Variants in CAPN5 observed in about 807,000 individuals in gnomAD.
The protein encoded by CAPN5 is calpain-5.
CAPN5 carries 54 observed loss-of-function variants against 73.0 expected under a neutral mutation model. That is an observed-to-expected ratio of 0.74 (90% CI 0.59 to 0.93). CAPN5 has a LOEUF of 0.93. Ranked by LOEUF, CAPN5 falls within the 40% of genes least tolerant of loss-of-function variation. The pLI is 0.00. For synonymous variants in CAPN5, 335 were observed against 356.9 expected (o/e 0.94, Z 0.69); for missense variants, 785 against 882.9 (o/e 0.89, Z 1.41).
In CAPN5 at chr11:77,085,018, G is replaced by A. The variant is rs534369805; in HGVS notation, c.132G>A (p.Thr44=). The part of the protein sequence containing the change: ...ATDDSLYYKG[T]PGPAVRWKRP... ...ACGACTCACTCTACTATAAGGGCAC[G>A]CCGGGGCCCGCCGTCAGGTGGAAGC... Residue 44 remains threonine (T), a synonymous_variant, in exon 2 of 13, where the codon ACG becomes ACA. Coordinates refer to ENST00000648180, the MANE Select transcript of CAPN5 (RefSeq NM_004055.5). The A allele has an allele frequency of 3.9e-5, 63 of 1,613,488 alleles. No individual in the cohort carries two copies. The highest frequency in any genetic ancestry group is 2.9e-4 in the East Asian group (13 of 44,878).
At chr11:77,102,827 C>T (rs1555039086) in intron 3 of CAPN5, 1 of 1,557,124 alleles carries the variant, frequency 6.4e-7, no homozygotes, top group Admixed American at 1.9e-5. Flanking sequence ...TTGGTGGCAG[C>T]AGCACTTGGG....
At position 77,115,360 on chromosome 11, in the gene CAPN5, G is replaced by A. The variant is rs377069207; in HGVS notation, c.700-35G>A. 4 of 1,558,562 alleles carry A rather than the reference G, an allele frequency of 2.6e-6. No homozygotes were observed. The African/African-American group carries it at 4.0e-5, about 16-fold the overall frequency. ...AGTCCCTGGTCTGGGTTCCAGTGTG[G>A]CCCTGCCTCTCTGAGCAACTGTGTC... On this transcript the variant is annotated intron_variant, in intron 5 of 12. Transcript: ENST00000648180.
chr11:77,123,935 G>A lies in CAPN5; in HGVS notation c.*65G>A, dbSNP rs1270798180. On this transcript the variant is annotated 3_prime_UTR_variant, in exon 13 of 13. Transcript: ENST00000648180. Reference sequence around the variant, plus strand: ...ATCTGCATGTCCCCACTGGGCCTGAGTCTAGCCTGGGAGCCAGGATACTGG... The same window carrying A: ...ATCTGCATGTCCCCACTGGGCCTGAATCTAGCCTGGGAGCCAGGATACTGG... 33 of 1,499,736 alleles carry A rather than the reference G, an allele frequency of 2.2e-5. No homozygotes were observed. Among genetic ancestry groups the A allele is most frequent in the Middle Eastern group, 4.6e-4 (2 of 4,344 alleles). The allele number at this position is 1,499,736 out of a possible 1,614,324, so 92.9% of individuals were successfully genotyped here.
rs148276292 is a variant in CAPN5 at position 77,092,409 on chromosome 11, A to C, written c.166-1273A>C. 7.5e-3 allele frequency among the ~76,000 whole-genome samples: 1,140 copies of C among 152,362 alleles called. 3 individuals carry two copies. The highest frequency in any genetic ancestry group is 0.013 in the Non-Finnish European group (876 of 68,038). On this transcript the variant is annotated intron_variant, in intron 2 of 12. Transcript: ENST00000648180. ...CACAGCACTGCCTCAGGGGGCTTTT[A>C]AGGAAAATACCCCCACAGCAAGAAG...
At chr11:77,110,702 G>A (rs1028656843) in intron 3 of CAPN5, among the ~76,000 whole-genome samples, 1 of 152,198 alleles carries the variant, frequency 6.6e-6, no homozygotes, top group Non-Finnish European at 1.5e-5. Flanking sequence ...AGTACCTCTC[G>A]CTGCAGTTAG....
intron 10 of CAPN5, among the ~76,000 whole-genome samples, chr11:77,121,443 GTCCCCTGAAGGACAGGTGAGCTCT>G (rs1950519673): frequency 6.6e-6 from 1 of 152,258 alleles, no homozygotes; most frequent in Admixed American, 6.5e-5. Flanking sequence ...CAGGCTCGGT[GTCCCCTGAAGGACAGGTGAGCTCT>G]GCCCACGTGC....
chr11:77,084,788 T>C, intron 1 of CAPN5, 64 bp from the exon 2 acceptor site: 1 of 1,449,798 alleles, frequency 6.9e-7, no homozygotes, highest in East Asian at 2.3e-5. Context: ...TGATGTCCGC[T>C]TCACAGGGCA....
chr11:77,090,748 G>A (rs1950140064), intron 2 of CAPN5, among the ~76,000 whole-genome samples: 1 of 152,198 alleles, frequency 6.6e-6, no homozygotes, highest in Non-Finnish European at 1.5e-5. Flanking sequence ...GTATATGGAA[G>A]CCCCTCTCCC....
chr11:77,115,451 C>T lies in CAPN5; in HGVS notation c.756C>T (p.His252=), dbSNP rs369762721. 22 of 1,612,450 alleles carry T rather than the reference C, an allele frequency of 1.4e-5. No individual in the cohort carries two copies. The Admixed American group carries it at 1.5e-4, about 11-fold the overall frequency. Residue 252 remains histidine, a synonymous_variant, in exon 6 of 13, where the codon CAC becomes CAT. Transcript: ENST00000648180. ...ARLACGLVKG[H]AYAVTDVRKV... ...TGGCGTGCGGCCTGGTAAAGGGCCA[C>T]GCATACGCCGTCACTGATGTGCGCA...
chr11:77,114,127 GTGACTGTAACAGGTTGTT>G, intron 4 of CAPN5, 97 bp from the exon 5 acceptor site: 2 of 913,038 alleles, frequency 2.2e-6, no homozygotes, highest in Non-Finnish European at 3.5e-6. Flanking sequence ...GGCCTGCTGC[GTGACTGTAACAGGTTGTT>G]TGACCCCTCT....
At chr11:77,074,764 TACTC>T (rs1949950688) in intron 1 of CAPN5, among the ~76,000 whole-genome samples, 1 of 152,152 alleles carries the variant, frequency 6.6e-6, no homozygotes, top group Admixed American at 6.5e-5. Context: ...CACTGGGTGA[TACTC>T]ACTCTGCCAG....
chr11:77,095,367 G>C (rs181705191), intron 3 of CAPN5, among the ~76,000 whole-genome samples: 3 of 152,280 alleles, frequency 2.0e-5, no homozygotes, highest in Admixed American at 1.3e-4. Context: ...GTCAGGGGCT[G>C]AAGGGGCACA....
chr11:77,102,738 G>A (rs1456842711), intron 3 of CAPN5: 4 of 1,337,666 alleles, frequency 3.0e-6, no homozygotes, highest in Non-Finnish European at 4.0e-6. Context: ...AGAGGGAAGG[G>A]CAGAAAGTAG....
intron 5 of CAPN5, among the ~76,000 whole-genome samples, 167 bp downstream of exon 5, chr11:77,114,601 C>G (rs1046762942): frequency 6.6e-6 from 1 of 152,212 alleles, no homozygotes; most frequent in Non-Finnish European, 1.5e-5. Context: ...CCCAGACCCT[C>G]TAGGCTGTGA....
chr11:77,114,170 T>C, intron 4 of CAPN5, 72 bp from the exon 5 acceptor site: 1 of 1,449,834 alleles, frequency 6.9e-7, no homozygotes, highest in Non-Finnish European at 9.6e-7. Flanking sequence ...TTCAAAAACC[T>C]CCCCTATGAG....
chr11:77,103,448 G>A, intron 3 of CAPN5: 1 of 1,253,022 alleles, frequency 8.0e-7, no homozygotes, highest in Non-Finnish European at 1.1e-6. Flanking sequence ...TCCTCTGCTT[G>A]CCCAGAGGCC....
chr11:77,103,246 GC>G (rs1950307641), intron 3 of CAPN5: 1 of 1,613,428 alleles, frequency 6.2e-7, no homozygotes, highest in Non-Finnish European at 8.5e-7. Context: ...GCCAAGATCC[GC>G]AAGGTCATGT....
At chr11:77,096,377 C>T (rs1008625269) in intron 3 of CAPN5, among the ~76,000 whole-genome samples, 2 of 152,202 alleles carry the variant, frequency 1.3e-5, no homozygotes, top group East Asian at 3.9e-4. Context: ...TTGACCTTTC[C>T]AGTGCCCAGG....
rs544014469 is a variant in CAPN5 at position 77,124,202 on chromosome 11, T to C, written c.*332T>C. The C allele has an allele frequency of 2.7e-4, 76 of 277,802 alleles. No individual in the cohort carries two copies. The South Asian group carries it at 4.8e-3, about 18-fold the overall frequency. The allele number at this position is 277,802 out of a possible 1,614,324, so 17.2% of individuals were successfully genotyped here. ...GAGCGCCAAGAAGATGTCACTTGTT[T>C]ACACACGAACTGCCACATCCCCAAG... On this transcript the variant is annotated 3_prime_UTR_variant, in exon 13 of 13. Transcript: ENST00000648180.
Sources: gnomAD v4.1 joint callset for allele counts (sites outside exome capture counted in the v4.1 genomes callset) on GRCh38, gnomAD v4.1.1 for gene constraint, MANE v1.5 for transcripts, NCBI Gene and HGNC (gene_info 2026-07-23, HGNC 2026-07-21) for gene names.